ECSCR: variants seen among roughly 807,000 people sequenced by gnomAD.
The protein encoded by ECSCR is endothelial cell surface expressed chemotaxis and apoptosis regulator.
A neutral mutation model predicts 16.7 loss-of-function variants in ECSCR; 12 were observed. The observed-to-expected ratio is 0.72, with a 90% CI of 0.46 to 1.17. The LOEUF is 1.17. Ranked by LOEUF, ECSCR falls within the 50% of genes most tolerant of loss-of-function variation. The pLI is 0.00. For missense variants in ECSCR, 122 were observed against 116.1 expected (o/e 1.05, Z -0.23); for synonymous variants, 44 against 42.2 (o/e 1.04, Z -0.17).
intron 8 of ECSCR, among the ~76,000 whole-genome samples, chr5:139,454,114 T>TG (rs1751103842): frequency 7.8e-6 from 1 of 128,294 alleles, no homozygotes; most frequent in African/African-American, 3.0e-5. Context: ...TGATGTGTGA[T>TG]GTGTGGGGTG....
At chr5:139,458,208 G>T in intron 1 of ECSCR, 25 bp from the exon 2 acceptor site, 2 of 1,548,974 alleles carry the variant, frequency 1.3e-6, no homozygotes, top group Non-Finnish European at 8.7e-7. Flanking sequence ...AAAACACATA[G>T]CTTGGTAAGT....
At chr5:139,461,321 C>T (rs1390109878) in intron 1 of ECSCR, among the ~76,000 whole-genome samples, 2 of 152,188 alleles carry the variant, frequency 1.3e-5, no homozygotes, top group East Asian at 3.8e-4. Context: ...AGTCTCAAGT[C>T]TGCCCTGCCT....
Position 139,453,794 on chromosome 5 carries a change from TGTGTGTG to T in ECSCR, c.512+801_512+807del, listed in dbSNP as rs1386100701. Among the ~76,000 whole-genome samples the T allele has an allele frequency of 5.4e-5, 3 of 55,714 alleles. No homozygotes were observed. In the Admixed American group the frequency reaches 5.7e-4, roughly 10 times the overall value. 36.6% of individuals were successfully genotyped at this position (55,714 alleles called of 152,430 possible). A position where few individuals can be genotyped will look rare whatever the true frequency, so the allele number is the denominator to read the frequency against. ...TGTGTGTGGTGTGTATAGTACAGGG[TGTGTGTG>T]GTGTGTGATGTGTGGGGGATGTGTG... On this transcript the variant is annotated intron_variant, in intron 8 of 9. Transcript: ENST00000618155.
At chr5:139,454,465 G>T (rs1269914628) in intron 8 of ECSCR, 137 bp downstream of exon 8, 2 of 390,006 alleles carry the variant, frequency 5.1e-6, no homozygotes, top group Non-Finnish European at 4.5e-6. Context: ...TTTGAGGTGT[G>T]TGGGGGTGTG....
intron 8 of ECSCR, among the ~76,000 whole-genome samples, chr5:139,452,332 TG>T (rs1751078328): frequency 1.5e-5 from 2 of 137,716 alleles, no homozygotes; most frequent in African/African-American, 2.7e-5. Context: ...ATGGGGTGTG[TG>T]TGTGTGATAT....
chr5:139,448,935 G>A (rs1173984157), intron 9 of ECSCR, 27 bp from the exon 10 acceptor site: 1 of 1,537,108 alleles, frequency 6.5e-7, no homozygotes, highest in Admixed American at 2.0e-5. Context: ...TAATGGGGAA[G>A]GGTGAACTTT....
At chr5:139,458,500 C>CAAAAAAAAAAAAAA (rs397882364) in intron 1 of ECSCR, among the ~76,000 whole-genome samples, 38 of 85,350 alleles carry the variant, frequency 4.5e-4, no homozygotes, top group African/African-American at 1.9e-3. Context: ...CCTATCTCAA[C>CAAAAAAAAAAAAAA]AAAAAAAAAA....
intron 5 of ECSCR, among the ~76,000 whole-genome samples, chr5:139,455,955 C>G (rs1254776842): frequency 6.6e-6 from 1 of 151,666 alleles, no homozygotes; most frequent in African/African-American, 2.4e-5. Flanking sequence ...AATCCCATCT[C>G]TACTAAAAAT....
At position 139,459,985 on chromosome 5, in the gene ECSCR, G is replaced by A. The variant is rs1257098667; in HGVS notation, c.62-1802C>T. On this transcript the variant is annotated intron_variant, in intron 1 of 9. Coordinates refer to ENST00000618155, the MANE Select transcript of ECSCR (RefSeq NM_001077693.4). Reference sequence around the variant, plus strand: ...ATTCCCTTGTTGGCGAGAGGGGGATGGTCAAGAGGGGAGTCAAAATTTATA... The same window carrying A: ...ATTCCCTTGTTGGCGAGAGGGGGATAGTCAAGAGGGGAGTCAAAATTTATA... 2.6e-5 allele frequency among the ~76,000 whole-genome samples: 4 copies of A among 152,306 alleles called. No individual in the cohort carries two copies. The East Asian group carries it at 7.7e-4, about 29-fold the overall frequency.
Position 139,455,352 on chromosome 5 carries a change from G to C in ECSCR, c.347C>G (p.Ser116Ter). The change falls in exon 6 of 10, where the codon TCA becomes TGA. Residue 116 changes from serine (S) to a stop codon, truncating the protein, a stop_gained. Transcript: ENST00000618155. LOFTEE classifies it high-confidence loss of function. ...TGCAGCCACAGTGAGCACAGTCTCT[G>C]ACGTGGGGCTGGGCAGGATGGTCGC... ...EDATILPSPTSETVLTVAAFG... is the reference protein window; with the variant it reads ...EDATILPSPT 1 of 398,742 alleles carries C rather than the reference G, an allele frequency of 2.5e-6. No individual in the cohort carries two copies. Among genetic ancestry groups the C allele is most frequent in the Non-Finnish European group, 4.4e-6 (1 of 226,160 alleles). 24.7% of individuals were successfully genotyped at this position (398,742 alleles called of 1,614,324 possible). A position where few individuals can be genotyped will look rare whatever the true frequency, so the allele number is the denominator to read the frequency against.
chr5:139,456,226 G>C (rs1163647445), intron 5 of ECSCR, among the ~76,000 whole-genome samples: 4 of 152,270 alleles, frequency 2.6e-5, no homozygotes, highest in Admixed American at 2.6e-4. Flanking sequence ...TCGCACCGCT[G>C]CACTCCAGCC....
chr5:139,449,940 G>C (rs1340734827), intron 8 of ECSCR, among the ~76,000 whole-genome samples: 1 of 151,786 alleles, frequency 6.6e-6, no homozygotes, highest in African/African-American at 2.4e-5. Flanking sequence ...CTGTCACCCA[G>C]GCTGGAGTGC....
At chr5:139,456,763 A>G (rs1168712767) in intron 4 of ECSCR, among the ~76,000 whole-genome samples, 1 of 151,994 alleles carries the variant, frequency 6.6e-6, no homozygotes, top group Admixed American at 6.6e-5. Context: ...TCCTGTCTCT[A>G]CGCCCCACCA....
chr5:139,462,523 G>T (rs1222100446), intron 1 of ECSCR, 87 bp downstream of exon 1: 13 of 1,341,598 alleles, frequency 9.7e-6, no homozygotes, highest in Middle Eastern at 3.6e-4. Context: ...TGGATGGAAA[G>T]CATGTGTCTC....
At chr5:139,454,240 G>A (rs1408851459) in intron 8 of ECSCR, among the ~76,000 whole-genome samples, 6 of 145,072 alleles carry the variant, frequency 4.1e-5, no homozygotes, top group South Asian at 2.3e-4. Flanking sequence ...TGTGGGGGTC[G>A]TGTGGTGTGT....
chr5:139,457,645 G>T (rs747226577), intron 3 of ECSCR, 41 bp from the exon 4 acceptor site: 2 of 1,202,068 alleles, frequency 1.7e-6, no homozygotes, highest in East Asian at 2.3e-5. Flanking sequence ...AGGTGGGGTA[G>T]GTTTGGTGAC....
At chr5:139,462,509 C>G in intron 1 of ECSCR, 101 bp downstream of exon 1, 1 of 1,230,884 alleles carries the variant, frequency 8.1e-7, no homozygotes, top group Non-Finnish European at 1.2e-6. Flanking sequence ...CTGGGCACAG[C>G]CCCTGGATGG....
chr5:139,453,994 AGGTGTGTTG>A (rs1751100864), intron 8 of ECSCR, among the ~76,000 whole-genome samples: 1 of 120,434 alleles, frequency 8.3e-6, no homozygotes, highest in Non-Finnish European at 1.7e-5. Context: ...GGTATGTTTG[AGGTGTGTTG>A]GGGTGTGTGT....
intron 8 of ECSCR, among the ~76,000 whole-genome samples, chr5:139,449,441 G>A (rs571385408): frequency 1.4e-4 from 22 of 152,048 alleles, no homozygotes; most frequent in Admixed American, 7.2e-4. Context: ...GGGTTCAAGC[G>A]ATTCTCCTGC....
Sources: gnomAD v4.1 joint callset for allele counts (sites outside exome capture counted in the v4.1 genomes callset) on GRCh38, gnomAD v4.1.1 for gene constraint, MANE v1.5 for transcripts, NCBI Gene and HGNC (gene_info 2026-07-23, HGNC 2026-07-21) for gene names.